Variants in LRRC7 observed in about 807,000 individuals in gnomAD.
The protein encoded by LRRC7 is leucine-rich repeat-containing protein 7.
LRRC7 carries 23 observed loss-of-function variants against 175.7 expected under a neutral mutation model. That is an observed-to-expected ratio of 0.13 (90% CI 0.09 to 0.19). The LOEUF is 0.19. Ranked by LOEUF, LRRC7 falls within the 10% of genes least tolerant of loss-of-function variation. LRRC7 has a pLI of 1.00. For synonymous variants in LRRC7, 685 were observed against 680.9 expected, an observed-to-expected ratio of 1.01 and a Z score of -0.09; for missense variants, 1,354 against 1,904.7, an observed-to-expected ratio of 0.71 and a Z score of 5.38.
rs1253454482 is a variant in LRRC7 at position 69,903,816 on chromosome 1, G to A, written c.648-27691G>A. 2.6e-5 allele frequency among the ~76,000 whole-genome samples: 4 copies of A among 152,122 alleles called. No individual in the cohort carries two copies. The East Asian group carries it at 7.7e-4, about 29-fold the overall frequency. On this transcript the variant is annotated intron_variant, in intron 7 of 26. Coordinates refer to ENST00000651989, the MANE Select transcript of LRRC7 (RefSeq NM_001370785.2). ...AATAGAAACAATAAAAAATGATAAA[G>A]GAGAGATCACCACTGATCCCACAGA...
intron 1 of LRRC7, among the ~76,000 whole-genome samples, chr1:69,657,466 G>A (rs1008810182): frequency 1.3e-5 from 2 of 151,748 alleles, no homozygotes; most frequent in South Asian, 2.1e-4. Flanking sequence ...CGTATCATCC[G>A]ATTTGAAAAG....
At chr1:69,706,088 C>G (rs1664001000) in intron 2 of LRRC7, among the ~76,000 whole-genome samples, 1 of 152,086 alleles carries the variant, frequency 6.6e-6, no homozygotes, top group African/African-American at 2.4e-5. Flanking sequence ...ATGCATTTGT[C>G]TGGCTCTATA....
intron 23 of LRRC7, among the ~76,000 whole-genome samples, chr1:70,069,566 C>CTCCTTCTTGCTTGCTTCTTGAATT (rs1662230164): frequency 6.6e-6 from 1 of 152,130 alleles, no homozygotes; most frequent in Non-Finnish European, 1.5e-5. Flanking sequence ...CTTCTTGAAT[C>CTCCTTCTTGCTTGCTTCTTGAATT]TCCTTCTTGC....
rs958228670 is a variant in LRRC7 at position 69,863,616 on chromosome 1, T to A, written c.647+25333T>A. Among the ~76,000 whole-genome samples, 18 of 152,238 alleles carry A rather than the reference T, an allele frequency of 1.2e-4. 1 individual carries two copies. ...AACCCTATCTTTGTCCTCATGTAGC[T>A]TACATTTAATCAGAGAGACAGACAT... On this transcript the variant is annotated intron_variant, in intron 7 of 26. Transcript: ENST00000651989.
At chr1:69,843,331 AT>A (rs941256756) in intron 7 of LRRC7, among the ~76,000 whole-genome samples, 2 of 152,068 alleles carry the variant, frequency 1.3e-5, no homozygotes, top group Non-Finnish European at 2.9e-5. Flanking sequence ...ATTGAAGAAG[AT>A]TTTTTTAAGA....
chr1:69,849,830 G>T (rs934525824), intron 7 of LRRC7, among the ~76,000 whole-genome samples: 3 of 152,066 alleles, frequency 2.0e-5, no homozygotes, highest in African/African-American at 7.2e-5. Flanking sequence ...GAACAAGTCA[G>T]TTAAAAATAA....
rs1659697923 is a variant in LRRC7 at position 70,039,743 on chromosome 1, G to A, written c.3919G>A (p.Asp1307Asn). ...GGAGAGCTGTGGTAAAATGCCTGCA[G>A]ACTGGAGACAACAGCTGCTTAGACA... is the stretch of plus-strand genomic sequence containing the variant. ...GEESCGKMPA[D>N]WRQQLLRHIE... is the part of the protein sequence containing the mutation. Residue 1307 changes from aspartate (D) to asparagine (N), a missense_variant, in exon 21 of 27, where the codon GAC becomes AAC. This residue lies in a region of LRRC7 where 1,032 missense variants were observed against 1,227.2 expected (regional missense o/e 0.84). Transcript: ENST00000651989. 1.6e-5 allele frequency: 26 copies of A among 1,612,876 alleles called. No homozygotes were observed. Among genetic ancestry groups the A allele is most frequent in the Non-Finnish European group, 2.1e-5 (25 of 1,179,504 alleles).
At chr1:69,994,718 C>A (rs1654765356) in intron 11 of LRRC7, 85 bp downstream of exon 11, 17 of 846,430 alleles carry the variant, frequency 2.0e-5, no homozygotes, top group Non-Finnish European at 2.7e-5. Flanking sequence ...AAAACATTTT[C>A]TACTAAAGAT....
chr1:69,607,979 T>C (rs1647897847), intron 1 of LRRC7: 1 of 152,402 alleles, frequency 6.6e-6, no homozygotes, highest in Non-Finnish European at 1.5e-5. Context: ...TATTTCCTGG[T>C]TTTGAGCACG....
intron 11 of LRRC7, among the ~76,000 whole-genome samples, chr1:70,005,288 T>C (rs551748641): frequency 2.5e-3 from 380 of 152,346 alleles, no homozygotes; most frequent in Middle Eastern, 6.8e-3. Context: ...CTGTTAAGAA[T>C]TAAAAGTGAA....
At chr1:69,941,758 A>G (rs1272222812) in intron 8 of LRRC7, among the ~76,000 whole-genome samples, 1 of 152,122 alleles carries the variant, frequency 6.6e-6, no homozygotes, top group Non-Finnish European at 1.5e-5. Flanking sequence ...GGAAAATAAC[A>G]TAATAGCACA....
At chr1:69,861,609 A>G (rs1002351627) in intron 7 of LRRC7, among the ~76,000 whole-genome samples, 3 of 152,184 alleles carry the variant, frequency 2.0e-5, no homozygotes, top group African/African-American at 7.2e-5. Context: ...ATAAAAGTTG[A>G]GTTCATCCAA....
At chr1:69,708,536 CAGTT>C (rs1399811151) in intron 2 of LRRC7, among the ~76,000 whole-genome samples, 4 of 152,290 alleles carry the variant, frequency 2.6e-5, no homozygotes, top group Admixed American at 2.6e-4. Flanking sequence ...GAAGATATGT[CAGTT>C]AGTTATTAGT....
chr1:69,925,591 G>A (rs1647043274), intron 7 of LRRC7, among the ~76,000 whole-genome samples: 1 of 152,080 alleles, frequency 6.6e-6, no homozygotes, highest in African/African-American at 2.4e-5. Context: ...TTTGCATAGA[G>A]GTGTTTGTAG....
chr1:70,072,864 TC>T (rs1458617594), intron 23 of LRRC7, among the ~76,000 whole-genome samples: 1 of 152,186 alleles, frequency 6.6e-6, no homozygotes, highest in Admixed American at 6.5e-5. Flanking sequence ...GAATAATATA[TC>T]CCCTCTCAAC....
At chr1:69,944,166 G>T (rs960848437) in intron 8 of LRRC7, among the ~76,000 whole-genome samples, 2 of 151,952 alleles carry the variant, frequency 1.3e-5, no homozygotes, top group African/African-American at 4.8e-5. Flanking sequence ...CCACCATTCT[G>T]CTTTCTGCTT....
At chr1:69,822,309 A>T (rs909604641) in intron 4 of LRRC7, among the ~76,000 whole-genome samples, 7 of 152,146 alleles carry the variant, frequency 4.6e-5, no homozygotes, top group African/African-American at 1.4e-4. Context: ...GCAAGTGCTC[A>T]CACTCTCTGT....
chr1:69,930,321 A>G (rs1054915317), intron 7 of LRRC7, among the ~76,000 whole-genome samples: 21 of 152,158 alleles, frequency 1.4e-4, no homozygotes, highest in African/African-American at 5.1e-4. Flanking sequence ...ATCTGATAGC[A>G]TCCGGATTGC....
intron 24 of LRRC7, among the ~76,000 whole-genome samples, chr1:70,080,068 A>G (rs1435752596): frequency 6.6e-6 from 1 of 152,152 alleles, no homozygotes. Context: ...CATGATCTCA[A>G]TGCCCTCTCT....
Sources: allele counts gnomAD v4.1 joint callset (sites outside exome capture counted in the v4.1 genomes callset), GRCh38; gene constraint gnomAD v4.1.1; regional missense constraint gnomAD v4.1.1; transcripts MANE v1.5; gene names NCBI Gene and HGNC (gene_info 2026-07-23, HGNC 2026-07-21).